Variants in FERRY3 observed in about 807,000 individuals in gnomAD.
FERRY3 encodes protein C12orf4.
At chr12:4,495,323 T>A in the FERRY3 span, among the ~76,000 whole-genome samples, 10 of 152,226 alleles carry the variant, frequency 6.6e-5, no homozygotes, top group African/African-American at 2.4e-4. Context: ...TGAAATACTA[T>A]GATAGTAATC....
chr12:4,497,998 C>G, the FERRY3 span, among the ~76,000 whole-genome samples: 1 of 152,054 alleles, frequency 6.6e-6, no homozygotes, highest in South Asian at 2.1e-4. Flanking sequence ...ACTTCTTGAC[C>G]TGAATGGATG....
the FERRY3 span, among the ~76,000 whole-genome samples, chr12:4,496,579 A>C: frequency 2.6e-5 from 4 of 151,294 alleles, no homozygotes; most frequent in African/African-American, 9.9e-5. Context: ...TTTAGATGAC[A>C]TGTGCAAAGA....
chr12:4,520,216 T>C, the FERRY3 span, among the ~76,000 whole-genome samples: 1 of 152,214 alleles, frequency 6.6e-6, no homozygotes, highest in Non-Finnish European at 1.5e-5. Flanking sequence ...TCTTTTCCAC[T>C]GGCCTCCATC....
the FERRY3 span, among the ~76,000 whole-genome samples, chr12:4,504,319 T>C: frequency 1.3e-5 from 2 of 152,194 alleles, no homozygotes; most frequent in African/African-American, 2.4e-5. Flanking sequence ...GAGATGGCTA[T>C]TTCTGAAACT....
At chr12:4,519,906 C>T in the FERRY3 span, among the ~76,000 whole-genome samples, 24 of 152,310 alleles carry the variant, frequency 1.6e-4, no homozygotes, top group East Asian at 5.8e-4. This position sits in a 1 kb window ranked among gnomAD's most constrained non-coding sequence, Gnocchi z 4.3. Flanking sequence ...AACTGGTCCT[C>T]GGTGCCAAAA....
At chr12:4,528,130 G>A in the FERRY3 span, among the ~76,000 whole-genome samples, 4 of 152,014 alleles carry the variant, frequency 2.6e-5, no homozygotes, top group African/African-American at 9.7e-5. Context: ...TACTAGGAAT[G>A]GAAGTATAGG....
the FERRY3 span, chr12:4,518,376 G>A: frequency 1.2e-6 from 1 of 854,450 alleles, no homozygotes; most frequent in South Asian, 1.9e-5. Flanking sequence ...AATTAAAAAT[G>A]GGCCTTGCAA....
the FERRY3 span, among the ~76,000 whole-genome samples, chr12:4,536,700 T>C: frequency 3.3e-5 from 5 of 152,108 alleles, no homozygotes; most frequent in African/African-American, 1.2e-4. Flanking sequence ...AAGATTTCCA[T>C]GTGGGAAGAA....
chr12:4,509,875 G>C, the FERRY3 span, among the ~76,000 whole-genome samples: 1 of 139,690 alleles, frequency 7.2e-6, no homozygotes, highest in Non-Finnish European at 1.5e-5. Flanking sequence ...TTCCTCACCA[G>C]CAATGGAACA....
the FERRY3 span, among the ~76,000 whole-genome samples, chr12:4,509,665 C>T: frequency 7.0e-6 from 1 of 143,376 alleles, no homozygotes; most frequent in Non-Finnish European, 1.5e-5. Context: ...CAGGGTATTC[C>T]AACACATCTG....
the FERRY3 span, among the ~76,000 whole-genome samples, chr12:4,506,700 T>C: frequency 6.6e-6 from 1 of 152,162 alleles, no homozygotes; most frequent in African/African-American, 2.4e-5. Context: ...TTAGTAATAG[T>C]AAGAAGATGG....
chr12:4,532,321 A>G, the FERRY3 span, among the ~76,000 whole-genome samples: 1 of 152,124 alleles, frequency 6.6e-6, no homozygotes, highest in Non-Finnish European at 1.5e-5. Flanking sequence ...AGCACTGTAC[A>G]GCATACAGCA....
At chr12:4,499,860 A>G in the FERRY3 span, among the ~76,000 whole-genome samples, 1 of 152,118 alleles carries the variant, frequency 6.6e-6, no homozygotes, top group African/African-American at 2.4e-5. Flanking sequence ...AAAGGAGGAG[A>G]AAGAGGTGTA....
the FERRY3 span, among the ~76,000 whole-genome samples, chr12:4,507,722 G>T: frequency 6.6e-6 from 1 of 152,198 alleles, no homozygotes; most frequent in Non-Finnish European, 1.5e-5. Context: ...CAGCATAAAA[G>T]TATGAGGATG....
At chr12:4,505,342 T>C in the FERRY3 span, 2 of 1,606,394 alleles carry the variant, frequency 1.2e-6, no homozygotes, top group Non-Finnish European at 1.7e-6. Flanking sequence ...TCAGCATTCT[T>C]AGTCTTATCA....
chr12:4,491,607 A>G, the FERRY3 span, among the ~76,000 whole-genome samples: 2 of 152,214 alleles, frequency 1.3e-5, no homozygotes, highest in East Asian at 3.8e-4. Context: ...TTTTTACTGT[A>G]TAATACATTA....
the FERRY3 span, among the ~76,000 whole-genome samples, chr12:4,515,707 GGTTA>G: frequency 6.6e-6 from 1 of 151,996 alleles, no homozygotes; most frequent in African/African-American, 2.4e-5. Context: ...CCACACAGAT[GGTTA>G]GTTCTGGAAA....
At chr12:4,499,202 T>G in the FERRY3 span, among the ~76,000 whole-genome samples, 1 of 152,206 alleles carries the variant, frequency 6.6e-6, no homozygotes, top group Admixed American at 6.5e-5. Context: ...ATTTAAGAGA[T>G]ACAGTTTCAC....
At chr12:4,496,931 A>C in the FERRY3 span, among the ~76,000 whole-genome samples, 2 of 152,198 alleles carry the variant, frequency 1.3e-5, no homozygotes, top group Non-Finnish European at 2.9e-5. Context: ...TATTTTTCGC[A>C]TTCAATATAA....
Sources: gnomAD v4.1 joint callset for allele counts (sites outside exome capture counted in the v4.1 genomes callset) on GRCh38, gnomAD v4.1.1 for gene constraint, Gnocchi (gnomAD v3.1) non-coding constraint, MANE v1.5 for transcripts, NCBI Gene and HGNC (gene_info 2026-07-23, HGNC 2026-07-21) for gene names.